ZNF124: variants seen among roughly 807,000 people sequenced by gnomAD.
ZNF124 encodes the protein zinc finger protein HZF-16.
A neutral mutation model predicts 26.6 loss-of-function variants in ZNF124; 25 were observed. The observed-to-expected ratio is 0.94, with a 90% confidence interval of 0.68 to 1.31. The LOEUF is 1.31. Among genes scored for constraint, ZNF124 ranks in the 40% most tolerant of loss-of-function variants. ZNF124 has a pLI of 0.00. For synonymous variants in ZNF124, 129 were observed against 133.3 expected (o/e 0.97, Z 0.22); for missense variants, 444 against 422.2 (o/e 1.05, Z -0.45).
intron 1 of ZNF124, among the ~76,000 whole-genome samples, chr1:247,162,468 T>TAC (rs1673534028): frequency 1.3e-5 from 2 of 152,088 alleles, no homozygotes; most frequent in Non-Finnish European, 2.9e-5. Context: ...CAATAGGCCA[T>TAC]ACCATATAGC....
chr1:247,164,290 C>A (rs935816302), intron 1 of ZNF124, among the ~76,000 whole-genome samples: 3 of 151,980 alleles, frequency 2.0e-5, no homozygotes, highest in Non-Finnish European at 2.9e-5. Flanking sequence ...AAATAAAATG[C>A]ATCCAAATAG....
chr1:247,145,170 G>A (rs1013579210), intron 3 of ZNF124, among the ~76,000 whole-genome samples: 1 of 152,164 alleles, frequency 6.6e-6, no homozygotes, highest in African/African-American at 2.4e-5. Flanking sequence ...CCTGGAGGCA[G>A]TCAAAAAGAG....
At chr1:247,130,579 A>T (rs1672327559) in intron 3 of ZNF124, among the ~76,000 whole-genome samples, 1 of 152,228 alleles carries the variant, frequency 6.6e-6, no homozygotes, top group African/African-American at 2.4e-5. Context: ...TAGATGTGTT[A>T]ACATCGAAAT....
At position 247,168,818 on chromosome 1, in the gene ZNF124, G is replaced by A. The variant is rs1380321930; in HGVS notation, c.30+3030C>T. Among the ~76,000 whole-genome samples the A allele has an allele frequency of 1.3e-5, 2 of 151,972 alleles. No homozygotes were observed. The highest frequency in any genetic ancestry group is 4.2e-4 in the South Asian group (2 of 4,814). ...GGAGCTAAGCTATGAGGTTACAAAGGCATAAGAATGATATAATGGACCTTG... is the reference window on the plus strand; with the variant it reads ...GGAGCTAAGCTATGAGGTTACAAAGACATAAGAATGATATAATGGACCTTG... On this transcript the variant is annotated intron_variant, in intron 1 of 3. Transcript: ENST00000543802. This position sits in a 1 kb window ranked among gnomAD's most constrained non-coding sequence, Gnocchi z 4.0.
chr1:247,125,037 A>C (rs1672174110), intron 3 of ZNF124, among the ~76,000 whole-genome samples: 1 of 151,384 alleles, frequency 6.6e-6, no homozygotes, highest in African/African-American at 2.4e-5. Flanking sequence ...TCCTGGGCTC[A>C]AGTGATCCAC....
chr1:247,156,637 G>A lies in ZNF124; in HGVS notation c.985C>T (p.Arg329Cys), dbSNP rs772192474. The change falls in exon 4 of 4, where the codon CGT (arginine) becomes TGT (cysteine). Residue 329 changes from arginine (R) to cysteine (C), a missense_variant. By Grantham distance (180) the Arg-to-Cys change is radical (BLOSUM62 -3). Coordinates refer to ENST00000543802, the MANE Select transcript of ZNF124 (RefSeq NM_001297568.2). Reference sequence around the variant, plus strand: ...TTATGCTTCCAAAGGGTACTAGCACGACTAAAGGCTTTGCCACATTTCTGA... The same window carrying A: ...TTATGCTTCCAAAGGGTACTAGCACAACTAAAGGCTTTGCCACATTTCTGA... Reference protein sequence around the residue: ...ECQKCGKAFSRASTLWKHKKT... With the variant: ...ECQKCGKAFSCASTLWKHKKT... 1.7e-5 allele frequency: 28 copies of A among 1,604,468 alleles called. No individual in the cohort carries two copies. The highest frequency in any genetic ancestry group is 7.8e-5 in the South Asian group (7 of 89,528).
At position 247,155,953 on chromosome 1, in the gene ZNF124, A is replaced by G. The variant is rs763128538; in HGVS notation, c.*613T>C. On this transcript the variant is annotated 3_prime_UTR_variant, in exon 4 of 4. Transcript: ENST00000543802. ...AGACTCTCTTCAAAAATGAGCAACC[A>G]ATATATTCAATTTATTTATAGCTCC... is the stretch of plus-strand genomic sequence containing the variant. 6 of 941,576 alleles carry G rather than the reference A, an allele frequency of 6.4e-6. No homozygotes were observed. Among genetic ancestry groups the G allele is most frequent in the Non-Finnish European group, 7.6e-6 (6 of 790,458 alleles). 58.3% of individuals were successfully genotyped at this position (941,576 alleles called of 1,614,324 possible).
At chr1:247,146,145 T>C (rs1032384603) in intron 3 of ZNF124, among the ~76,000 whole-genome samples, 15 of 152,304 alleles carry the variant, frequency 9.8e-5, no homozygotes, top group East Asian at 1.9e-4. Context: ...GAAGCCACCA[T>C]AGACAGTAGC....
At chr1:247,162,054 G>C (rs1673509129) in intron 1 of ZNF124, among the ~76,000 whole-genome samples, 2 of 152,088 alleles carry the variant, frequency 1.3e-5, no homozygotes, top group South Asian at 4.1e-4. Context: ...ATCATTTTCA[G>C]ACAAGCAACT....
intron 3 of ZNF124, among the ~76,000 whole-genome samples, 188 bp downstream of exon 3, chr1:247,158,818 G>T (rs1033888570): frequency 6.6e-6 from 1 of 152,038 alleles, no homozygotes; most frequent in African/African-American, 2.4e-5. Flanking sequence ...TAGTAGAGAC[G>T]GGTTTTTGCC....
chr1:247,130,170 G>A (rs573493518), intron 3 of ZNF124, among the ~76,000 whole-genome samples: 3 of 152,306 alleles, frequency 2.0e-5, no homozygotes, highest in South Asian at 4.1e-4. Flanking sequence ...CAGCTTGAGA[G>A]ATAATATTTT....
chr1:247,142,242 T>C (rs921862408), intron 3 of ZNF124, among the ~76,000 whole-genome samples: 2 of 152,222 alleles, frequency 1.3e-5, no homozygotes, highest in Non-Finnish European at 1.5e-5. Context: ...CTCAGATTCT[T>C]CTGGATGACC....
chr1:247,122,032 C>A (rs1438324753), exon 4 of ZNF124: 1 of 152,184 alleles, frequency 6.6e-6, no homozygotes, highest in Non-Finnish European at 1.5e-5. Flanking sequence ...TAAAGGAAAC[C>A]AGTGAAGCAT....
At chr1:247,139,249 C>T (rs542581181) in intron 3 of ZNF124, among the ~76,000 whole-genome samples, 7 of 152,346 alleles carry the variant, frequency 4.6e-5, no homozygotes, top group South Asian at 2.1e-4. Flanking sequence ...CAAATTTTCA[C>T]GGTTCACACC....
chr1:247,139,618 G>A (rs913584655), intron 3 of ZNF124, among the ~76,000 whole-genome samples: 6 of 152,180 alleles, frequency 3.9e-5, no homozygotes, highest in African/African-American at 9.7e-5. Flanking sequence ...GTGTGTTTTT[G>A]TATTGGCTGG....
intron 3 of ZNF124, among the ~76,000 whole-genome samples, chr1:247,136,306 G>A (rs1672482379): frequency 1.3e-5 from 2 of 152,266 alleles, no homozygotes; most frequent in South Asian, 4.1e-4. Flanking sequence ...AAAGTCTCAG[G>A]ATACAAAATC....
chr1:247,154,183 A>G (rs1673025148), downstream of ZNF124, among the ~76,000 whole-genome samples: 1 of 152,196 alleles, frequency 6.6e-6, no homozygotes, highest in Non-Finnish European at 1.5e-5. Flanking sequence ...TTGACTTGTA[A>G]TAATTCCCAC....
intron 3 of ZNF124, among the ~76,000 whole-genome samples, chr1:247,144,859 T>C (rs369965164): frequency 1.3e-5 from 2 of 151,196 alleles, no homozygotes; most frequent in South Asian, 2.1e-4. Flanking sequence ...CAATGCAACC[T>C]CCGCCTCCCA....
intron 3 of ZNF124, among the ~76,000 whole-genome samples, chr1:247,135,362 C>T (rs1301304608): frequency 6.6e-6 from 1 of 152,158 alleles, no homozygotes; most frequent in Admixed American, 6.5e-5. Flanking sequence ...GTTATCACCA[C>T]TGACCCCACA....
Sources: allele counts gnomAD v4.1 joint callset (sites outside exome capture counted in the v4.1 genomes callset), GRCh38; gene constraint gnomAD v4.1.1; non-coding constraint Gnocchi (gnomAD v3.1); transcripts MANE v1.5; gene names NCBI Gene and HGNC (gene_info 2026-07-23, HGNC 2026-07-21).